Variants in CNTNAP2 observed in about 807,000 individuals in gnomAD.
The protein encoded by CNTNAP2 is contactin-associated protein-like 2.
Under a neutral mutation model 155.2 loss-of-function variants are expected in CNTNAP2, and 98 were observed. The ratio of observed to expected loss-of-function variants is 0.63; its 90% CI spans 0.54 to 0.75. CNTNAP2 has a LOEUF of 0.75. Ranked by LOEUF, CNTNAP2 falls within the 30% of genes least tolerant of loss-of-function variation. The probability of loss-of-function intolerance (pLI) is 0.00; values close to 1 mark genes in which losing one functional copy is unlikely to be tolerated. For missense variants in CNTNAP2, 1,727 were observed against 1,688.1 expected (o/e 1.02, Z -0.40); for synonymous variants, 651 against 631.2 (o/e 1.03, Z -0.47).
At chr7:147,057,109 CT>C (rs1196911840) in intron 4 of CNTNAP2, among the ~76,000 whole-genome samples, 1 of 151,990 alleles carries the variant, frequency 6.6e-6, no homozygotes, top group Non-Finnish European at 1.5e-5. Flanking sequence ...CAAGATGATC[CT>C]TTTCAACAGC....
chr7:148,226,490 T>C (rs994145073), intron 19 of CNTNAP2, among the ~76,000 whole-genome samples: 1 of 152,112 alleles, frequency 6.6e-6, no homozygotes, highest in Admixed American at 6.5e-5. Flanking sequence ...TCCCAATAGA[T>C]AGAAAACATC....
chr7:147,558,145 C>A (rs1799987056), intron 11 of CNTNAP2, among the ~76,000 whole-genome samples: 1 of 152,110 alleles, frequency 6.6e-6, no homozygotes, highest in African/African-American at 2.4e-5. Flanking sequence ...AGTTTTAAAT[C>A]ACCCACAATA....
intron 15 of CNTNAP2, among the ~76,000 whole-genome samples, chr7:148,001,839 T>C (rs371474008): frequency 8.5e-5 from 13 of 152,322 alleles, no homozygotes; most frequent in East Asian, 1.9e-4. Context: ...TTCAGGTTGG[T>C]ACTTTTTAAT....
intron 15 of CNTNAP2, among the ~76,000 whole-genome samples, chr7:148,044,205 ATT>A (rs55884389): frequency 0.17 from 23,641 of 137,674 alleles, 1,861 homozygotes; most frequent in Middle Eastern, 0.27. Flanking sequence ...CTTAGGTTGT[ATT>A]TTTTTTTTTT....
chr7:147,864,471 A>C (rs147001920), intron 13 of CNTNAP2, among the ~76,000 whole-genome samples: 88,086 of 149,344 alleles, frequency 0.59, 26,258 homozygotes, highest in Middle Eastern at 0.7. Flanking sequence ...GAAGAAAGTC[A>C]TTGGTAGCTT....
chr7:147,174,040 C>T (rs1301599613), intron 8 of CNTNAP2, among the ~76,000 whole-genome samples: 3 of 152,074 alleles, frequency 2.0e-5, no homozygotes, highest in African/African-American at 7.2e-5. Flanking sequence ...CCTCTATATT[C>T]CTCCCTCTGA....
intron 13 of CNTNAP2, among the ~76,000 whole-genome samples, chr7:147,661,814 G>T (rs1239277230): frequency 6.6e-6 from 1 of 152,158 alleles, no homozygotes; most frequent in Non-Finnish European, 1.5e-5. Flanking sequence ...GCCTCCCAAA[G>T]TGCTGGGATT....
rs1010215768 is a variant in CNTNAP2 at position 148,328,208 on chromosome 7, G to A, written c.3476-55441G>A. On this transcript the variant is annotated intron_variant, in intron 21 of 23. Coordinates refer to ENST00000361727, the MANE Select transcript of CNTNAP2 (RefSeq NM_014141.6). The stretch of plus-strand genomic sequence containing the variant: ...AGACTCTGAGGCAAGCGGGGAGTGG[G>A]AAAGCTTTCAGGTGGAGAGAGGGGA... 4.6e-5 allele frequency among the ~76,000 whole-genome samples: 7 copies of A among 152,278 alleles called. No homozygotes were observed. In the South Asian group the frequency reaches 1.5e-3, roughly 32 times the overall value.
intron 16 of CNTNAP2, among the ~76,000 whole-genome samples, chr7:148,124,398 T>C (rs909185921): frequency 2.0e-5 from 3 of 152,184 alleles, no homozygotes; most frequent in Non-Finnish European, 4.4e-5. Flanking sequence ...TCTGTCCATG[T>C]ATTTTTTCAG....
At chr7:148,042,093 C>T (rs1802688642) in intron 15 of CNTNAP2, among the ~76,000 whole-genome samples, 1 of 152,084 alleles carries the variant, frequency 6.6e-6, no homozygotes, top group Non-Finnish European at 1.5e-5. Context: ...TACTCTTTCG[C>T]CTGATTTATT....
intron 9 of CNTNAP2, among the ~76,000 whole-genome samples, chr7:147,388,590 T>G (rs1233875214): frequency 6.6e-6 from 1 of 152,144 alleles, no homozygotes; most frequent in Non-Finnish European, 1.5e-5. Context: ...TTTTTTTCTT[T>G]TCTTTTTTGA....
chr7:148,259,851 G>C (rs534169015), intron 20 of CNTNAP2, among the ~76,000 whole-genome samples: 45 of 152,204 alleles, frequency 3.0e-4, no homozygotes, highest in Non-Finnish European at 5.0e-4. Flanking sequence ...ATGGCTTCAT[G>C]GCAAATGTTG....
At chr7:147,117,604 C>T (rs1176644815) in intron 5 of CNTNAP2, among the ~76,000 whole-genome samples, 1 of 152,190 alleles carries the variant, frequency 6.6e-6, no homozygotes, top group Non-Finnish European at 1.5e-5. Flanking sequence ...TGGCCCCTGT[C>T]TCACCTGTTT....
intron 15 of CNTNAP2, among the ~76,000 whole-genome samples, chr7:148,114,324 G>T (rs1238959874): frequency 6.6e-6 from 1 of 152,134 alleles, no homozygotes; most frequent in African/African-American, 2.4e-5. Flanking sequence ...TAACACCCAG[G>T]TTACCAAAAA....
chr7:146,932,383 A>C (rs1297266489), intron 3 of CNTNAP2, among the ~76,000 whole-genome samples: 1 of 151,762 alleles, frequency 6.6e-6, no homozygotes, highest in African/African-American at 2.4e-5. Flanking sequence ...ACAAAATTCA[A>C]CAACCCTTCA....
chr7:146,527,643 T>G (rs952730964), intron 1 of CNTNAP2, among the ~76,000 whole-genome samples: 1 of 152,008 alleles, frequency 6.6e-6, no homozygotes, highest in Non-Finnish European at 1.5e-5. Flanking sequence ...AATAATCTCT[T>G]GACAGCCTAT....
chr7:146,475,179 T>G (rs1354559106), intron 1 of CNTNAP2, among the ~76,000 whole-genome samples: 1 of 152,216 alleles, frequency 6.6e-6, no homozygotes, highest in East Asian at 1.9e-4. Flanking sequence ...ATTTACATGA[T>G]GATGTGATTC....
In CNTNAP2 at chr7:148,393,072, A is replaced by G. The variant is rs527803259; in HGVS notation, c.3715+9184A>G. On this transcript the variant is annotated intron_variant, in intron 22 of 23. Coordinates refer to ENST00000361727, the MANE Select transcript of CNTNAP2 (RefSeq NM_014141.6). ...TCATCTGGCCATAAAATATTTTTAT[A>G]TCTTCATGTGCAAAGAGTTATGGAT... Among the ~76,000 whole-genome samples, 273 of 152,346 alleles carry G rather than the reference A, an allele frequency of 1.8e-3. 1 individual carries two copies. Among genetic ancestry groups the G allele is most frequent in the African/African-American group, 6.2e-3 (257 of 41,570 alleles).
chr7:146,181,927 T>C (rs1473377356), intron 1 of CNTNAP2, among the ~76,000 whole-genome samples: 1 of 152,148 alleles, frequency 6.6e-6, no homozygotes, highest in African/African-American at 2.4e-5. Flanking sequence ...TCCTGCCTTA[T>C]GTTGATGTGC....
Sources: allele counts gnomAD v4.1 joint callset (sites outside exome capture counted in the v4.1 genomes callset), GRCh38; gene constraint gnomAD v4.1.1; transcripts MANE v1.5; gene names NCBI Gene and HGNC (gene_info 2026-07-23, HGNC 2026-07-21).